SPPL3: variants seen among roughly 807,000 people sequenced by gnomAD.
The protein encoded by SPPL3 is signal peptide peptidase-like 3.
Under a neutral mutation model 42.4 loss-of-function variants are expected in SPPL3, and 5 were observed. That is an observed-to-expected ratio of 0.12 (90% CI 0.06 to 0.25). The LOEUF (loss-of-function observed/expected upper bound fraction) is 0.25. SPPL3 is among the 10% of genes least tolerant of loss of function. SPPL3 has a pLI of 1.00. For synonymous variants in SPPL3, 195 were observed against 181.8 expected (o/e 1.07, Z -0.58); for missense variants, 235 against 489.0 (o/e 0.48, Z 4.90).
chr12:120,773,507 T>A (rs1247037925), intron 6 of SPPL3, among the ~76,000 whole-genome samples: 1 of 152,040 alleles, frequency 6.6e-6, no homozygotes, highest in Admixed American at 6.5e-5. Context: ...GACTGAATGA[T>A]GCAGCTCACC....
intron 1 of SPPL3, among the ~76,000 whole-genome samples, chr12:120,901,526 G>A (rs1458222812): frequency 2.0e-5 from 3 of 151,068 alleles, no homozygotes; most frequent in African/African-American, 7.3e-5. Context: ...GGGAAGCGGA[G>A]GCTGCAGTGA....
At chr12:120,903,797 C>T (rs1874066162) in intron 1 of SPPL3, 48 bp downstream of exon 1, 1 of 1,434,024 alleles carries the variant, frequency 7.0e-7, no homozygotes, top group Non-Finnish European at 9.1e-7. Context: ...GCCGGCGCCC[C>T]GACCCCCACC....
intron 1 of SPPL3, among the ~76,000 whole-genome samples, chr12:120,829,442 A>C (rs1028036626): frequency 6.6e-6 from 1 of 152,064 alleles, no homozygotes; most frequent in Admixed American, 6.6e-5. Flanking sequence ...CTAAAAATAC[A>C]AAAATTAGCC....
rs1483322103 is a variant in SPPL3 at position 120,876,634 on chromosome 12, A to AAAAAAAAAG, written c.23+27210_23+27211insCTTTTTTTT. Among the ~76,000 whole-genome samples the AAAAAAAAAG allele has an allele frequency of 9.8e-3, 1,455 of 148,146 alleles. 26 individuals carry two copies. Among genetic ancestry groups the AAAAAAAAAG allele is most frequent in the South Asian group, 0.016 (75 of 4,654 alleles). ...TCTGTCTCAAAAAAAAAAAAAAAAA[A>AAAAAAAAAG]AAGAAGAAAGAAAATATTTTGACTT... On this transcript the variant is annotated intron_variant, in intron 1 of 10. Transcript: ENST00000353487.
intron 1 of SPPL3, among the ~76,000 whole-genome samples, chr12:120,831,642 T>C (rs556971891): frequency 6.6e-6 from 1 of 152,228 alleles, no homozygotes; most frequent in Admixed American, 6.5e-5. Context: ...TTTCCACTAA[T>C]AGGTGTGTGC....
At chr12:120,778,260 G>A (rs1169741845) in intron 6 of SPPL3, among the ~76,000 whole-genome samples, 1 of 151,506 alleles carries the variant, frequency 6.6e-6, no homozygotes, top group African/African-American at 2.4e-5. Context: ...GGGATTACAG[G>A]CGCACACCAC....
Position 120,882,052 on chromosome 12 carries a change from G to T in SPPL3, c.23+21793C>A, listed in dbSNP as rs1043271492. ...AAAAAAGTCGTAAGTTTTAAAGTGT[G>T]GACCATTCTGAGTAGTATGATGAAG... On this transcript the variant is annotated intron_variant, in intron 1 of 10. Coordinates refer to ENST00000353487, the MANE Select transcript of SPPL3 (RefSeq NM_139015.5). 4.3e-4 allele frequency among the ~76,000 whole-genome samples: 66 copies of T among 151,998 alleles called. 1 individual carries two copies. The highest frequency in any genetic ancestry group is 1.4e-3 in the African/African-American group (56 of 41,304).
intron 1 of SPPL3, among the ~76,000 whole-genome samples, chr12:120,891,250 G>GT (rs1479549844): frequency 6.6e-6 from 1 of 152,150 alleles, no homozygotes; most frequent in Non-Finnish European, 1.5e-5. Flanking sequence ...CCTTAGGCCT[G>GT]TGAGTTTTCA....
intron 1 of SPPL3, among the ~76,000 whole-genome samples, chr12:120,891,407 C>A (rs545852325): frequency 1.3e-5 from 2 of 152,066 alleles, no homozygotes; most frequent in South Asian, 4.1e-4. Flanking sequence ...AATAAGCACA[C>A]ATCAGGCCAC....
At chr12:120,865,354 C>T (rs1472946212) in intron 1 of SPPL3, among the ~76,000 whole-genome samples, 5 of 152,230 alleles carry the variant, frequency 3.3e-5, no homozygotes, top group Admixed American at 2.0e-4. Flanking sequence ...ACGGCCAGTA[C>T]AGTGTGGTTT....
intron 1 of SPPL3, among the ~76,000 whole-genome samples, chr12:120,857,344 G>A (rs1450039160): frequency 6.6e-6 from 1 of 152,198 alleles, no homozygotes; most frequent in Non-Finnish European, 1.5e-5. Context: ...GCGAGGCTGT[G>A]GAGAAACAGG....
At chr12:120,807,965 G>A (rs1870555306) in intron 2 of SPPL3, among the ~76,000 whole-genome samples, 1 of 151,986 alleles carries the variant, frequency 6.6e-6, no homozygotes, top group Non-Finnish European at 1.5e-5. Context: ...AAAGATAAAA[G>A]GTTCTGAGCT....
At chr12:120,768,200 T>A in intron 8 of SPPL3, 125 bp downstream of exon 8, 1 of 1,233,980 alleles carries the variant, frequency 8.1e-7, no homozygotes, top group Non-Finnish European at 1.1e-6. Flanking sequence ...CATTTCCTCT[T>A]CTGCAGCATG....
chr12:120,782,565 A>T, intron 6 of SPPL3, 90 bp downstream of exon 6: 1 of 994,794 alleles, frequency 1.0e-6, no homozygotes, highest in Non-Finnish European at 1.5e-6. Flanking sequence ...AGTTTATTGT[A>T]GTGATGGTTG....
chr12:120,868,870 G>A (rs1211336871), intron 1 of SPPL3, among the ~76,000 whole-genome samples: 1 of 152,136 alleles, frequency 6.6e-6, no homozygotes, highest in East Asian at 1.9e-4. Flanking sequence ...CAGAAATACT[G>A]AAGTAATCTT....
At chr12:120,837,575 C>G (rs1312009232) in intron 1 of SPPL3, among the ~76,000 whole-genome samples, 1 of 152,178 alleles carries the variant, frequency 6.6e-6, no homozygotes, top group African/African-American at 2.4e-5. Flanking sequence ...TGTACTTACT[C>G]TTTATATCAT....
intron 6 of SPPL3, among the ~76,000 whole-genome samples, chr12:120,778,788 G>A (rs1431772668): frequency 6.6e-6 from 1 of 151,712 alleles, no homozygotes; most frequent in Non-Finnish European, 1.5e-5. Context: ...AGTCACTTAC[G>A]AAGAAAAAAA....
intron 2 of SPPL3, among the ~76,000 whole-genome samples, chr12:120,800,550 A>T (rs1041681218): frequency 1.3e-5 from 2 of 152,190 alleles, no homozygotes; most frequent in Admixed American, 6.6e-5. Flanking sequence ...TCAATGTTTA[A>T]ATGATCAACA....
At chr12:120,890,517 A>G (rs1344059952) in intron 1 of SPPL3, among the ~76,000 whole-genome samples, 1 of 148,586 alleles carries the variant, frequency 6.7e-6, no homozygotes, top group African/African-American at 2.5e-5. Context: ...TGAATCTGGA[A>G]GGCGGAGGCT....
Sources: allele counts gnomAD v4.1 joint callset (sites outside exome capture counted in the v4.1 genomes callset), GRCh38; gene constraint gnomAD v4.1.1; transcripts MANE v1.5; gene names NCBI Gene and HGNC (gene_info 2026-07-23, HGNC 2026-07-21).